Variants in ABCD3 observed in about 807,000 individuals in gnomAD.
ABCD3 encodes ATP-binding cassette sub-family D member 3.
A neutral mutation model predicts 105.5 loss-of-function variants in ABCD3; 41 were observed. The observed-to-expected ratio is 0.39, with a 90% CI of 0.30 to 0.50. ABCD3 has a LOEUF of 0.50. Among genes scored for constraint, ABCD3 ranks in the 20% least tolerant of loss-of-function variants. The probability of loss-of-function intolerance (pLI) is 0.84; values close to 1 mark genes in which losing one functional copy is unlikely to be tolerated. For missense variants in ABCD3, 622 were observed against 806.3 expected (o/e 0.77, Z 2.77); for synonymous variants, 258 against 269.0 (o/e 0.96, Z 0.40).
At chr1:94,440,709 T>C (rs1272079115) in intron 1 of ABCD3, among the ~76,000 whole-genome samples, 1 of 152,212 alleles carries the variant, frequency 6.6e-6, no homozygotes, top group Admixed American at 6.5e-5. Flanking sequence ...TGGTAGGTTG[T>C]TACCTCCTAT....
upstream of ABCD3, chr1:94,418,319 G>C (rs1659101139): frequency 2.8e-5 from 14 of 492,218 alleles, no homozygotes; most frequent in South Asian, 5.5e-4. Context: ...GTGGGCTCCA[G>C]AGCGCGGGCG....
rs576397690 is a variant in ABCD3 at position 94,455,413 on chromosome 1, C to T, written c.111-3194C>T. 2.0e-5 allele frequency among the ~76,000 whole-genome samples: 3 copies of T among 152,056 alleles called. No individual in the cohort carries two copies. The South Asian group carries it at 6.2e-4, about 32-fold the overall frequency. On this transcript the variant is annotated intron_variant, in intron 1 of 22. Transcript: ENST00000370214. ...CGATCTTGGCTCACCACAACCTCCG[C>T]CTCCTGGGTTCAAGTGATTCTTCTG...
At chr1:94,447,871 G>A (rs1660417464) in intron 1 of ABCD3, among the ~76,000 whole-genome samples, 1 of 152,172 alleles carries the variant, frequency 6.6e-6, no homozygotes, top group Non-Finnish European at 1.5e-5. Flanking sequence ...AAATTACTAA[G>A]GGACATTAAT....
upstream of ABCD3, among the ~76,000 whole-genome samples, chr1:94,413,939 G>A (rs1658957760): frequency 6.6e-6 from 1 of 152,184 alleles, no homozygotes; most frequent in Non-Finnish European, 1.5e-5. Context: ...TTCAGAGTAG[G>A]AGACCATGAA....
intron 3 of ABCD3, 81 bp downstream of exon 3, chr1:94,464,954 A>G: frequency 3.3e-6 from 4 of 1,196,634 alleles, no homozygotes; most frequent in Non-Finnish European, 4.9e-6. Context: ...TTTATAAAGA[A>G]AAGAGATTTA....
In ABCD3 at chr1:94,498,860, C is replaced by T. The variant is rs1649962508; in HGVS notation, c.1530+12C>T. The stretch of plus-strand genomic sequence containing the variant: ...TTTATGTTCCTCAGGTAAGACCTAG[C>T]TTGAGTTATCTTTGATCTAAAGATC... On this transcript the variant is annotated intron_variant, in intron 18 of 22. Transcript: ENST00000370214. The T allele has an allele frequency of 6.2e-7, 1 of 1,607,056 alleles. No homozygotes were observed. The highest frequency in any genetic ancestry group is 2.5e-5 in the East Asian group (1 of 40,348).
intron 21 of ABCD3, among the ~76,000 whole-genome samples, chr1:94,511,925 C>T (rs1650691906): frequency 6.6e-6 from 1 of 152,028 alleles, no homozygotes; most frequent in Non-Finnish European, 1.5e-5. Context: ...AGCTTCTTTG[C>T]CTTTGGTTTG....
At chr1:94,507,439 C>T (rs575604145) in intron 21 of ABCD3, among the ~76,000 whole-genome samples, 27 of 152,146 alleles carry the variant, frequency 1.8e-4, no homozygotes, top group South Asian at 1.2e-3. Context: ...TGAATAATGC[C>T]GCAGTAAACA....
rs374787970 is a variant in ABCD3 at position 94,474,621 on chromosome 1, A to C, written c.406-522A>C. On this transcript the variant is annotated intron_variant, in intron 5 of 22. Coordinates refer to ENST00000370214, the MANE Select transcript of ABCD3 (RefSeq NM_002858.4). ...AGATATCAAAGATTAAGATTCAGCAAAGACCACTTGAGAAAATTTGTAATG... is the reference window on the plus strand; with the variant it reads ...AGATATCAAAGATTAAGATTCAGCACAGACCACTTGAGAAAATTTGTAATG... Among the ~76,000 whole-genome samples the C allele has an allele frequency of 1.3e-4, 20 of 152,274 alleles. No individual in the cohort carries two copies. The South Asian group carries it at 1.7e-3, about 13-fold the overall frequency.
intron 1 of ABCD3, 72 bp downstream of exon 1, chr1:94,418,660 C>T (rs1659123340): frequency 6.8e-7 from 1 of 1,472,168 alleles, no homozygotes; most frequent in South Asian, 1.2e-5. Flanking sequence ...CTCTCCCCAC[C>T]CGGCCGACAG....
chr1:94,448,612 T>C (rs1024148526), intron 1 of ABCD3, among the ~76,000 whole-genome samples: 2 of 152,254 alleles, frequency 1.3e-5, no homozygotes, highest in Middle Eastern at 3.2e-3. Context: ...TGATTCTTCA[T>C]ATGTGGTTCA....
chr1:94,450,709 C>T (rs1048134806), intron 1 of ABCD3, among the ~76,000 whole-genome samples: 4 of 152,214 alleles, frequency 2.6e-5, no homozygotes, highest in African/African-American at 9.6e-5. Flanking sequence ...CCACTCCACA[C>T]TCTATATTTC....
intron 10 of ABCD3, among the ~76,000 whole-genome samples, chr1:94,486,789 G>T (rs1437702258): frequency 6.6e-6 from 1 of 152,184 alleles, no homozygotes; most frequent in African/African-American, 2.4e-5. Context: ...TGTATTCCTG[G>T]CAGTGAGAAG....
chr1:94,441,250 A>C (rs1231519794), intron 1 of ABCD3, among the ~76,000 whole-genome samples: 2 of 152,240 alleles, frequency 1.3e-5, no homozygotes, highest in Non-Finnish European at 2.9e-5. Context: ...GATGATTCTT[A>C]AACATGTGAT....
chr1:94,493,845 C>CA (rs1452718096), intron 16 of ABCD3, among the ~76,000 whole-genome samples: 6 of 151,442 alleles, frequency 4.0e-5, no homozygotes, highest in African/African-American at 1.2e-4. Context: ...ATCGCAAGGA[C>CA]AAAAAACCAA....
chr1:94,489,961 A>G lies in ABCD3; in HGVS notation c.1308A>G (p.Ala436=), dbSNP rs146408552. 68 of 1,612,904 alleles carry G rather than the reference A, an allele frequency of 4.2e-5. No homozygotes were observed. Among genetic ancestry groups the G allele is most frequent in the Non-Finnish European group, 5.7e-5 (67 of 1,179,182 alleles). The part of the protein sequence containing the change: ...LIPGAGEIII[A]DNIIKFDHVP... ...CTGGTGCTGGAGAAATCATTATTGCAGATAACATTATAAAGTACGTACAGA... is the reference window on the plus strand; with the variant it reads ...CTGGTGCTGGAGAAATCATTATTGCGGATAACATTATAAAGTACGTACAGA... The change falls in exon 15 of 23, where the codon GCA becomes GCG. Residue 436 remains alanine (A), a synonymous_variant. Coordinates refer to ENST00000370214, the MANE Select transcript of ABCD3 (RefSeq NM_002858.4).
chr1:94,386,850 A>G, the ABCD3 span, among the ~76,000 whole-genome samples: 1 of 152,154 alleles, frequency 6.6e-6, no homozygotes, highest in East Asian at 1.9e-4. Flanking sequence ...GTAAGACTCC[A>G]TCTCAAAAGA....
intron 1 of ABCD3, chr1:94,419,371 G>C: frequency 4.1e-6 from 4 of 984,844 alleles, no homozygotes; most frequent in Non-Finnish European, 4.8e-6. Flanking sequence ...TTCCACCGCG[G>C]GAGAATTTCA....
chr1:94,482,066 G>A (rs984575264), intron 9 of ABCD3: 3 of 152,222 alleles, frequency 2.0e-5, no homozygotes, highest in Non-Finnish European at 4.4e-5. Flanking sequence ...AGTTCAGGAG[G>A]AGAATCCTCA....
Sources: allele counts gnomAD v4.1 joint callset (sites outside exome capture counted in the v4.1 genomes callset), GRCh38; gene constraint gnomAD v4.1.1; transcripts MANE v1.5; gene names NCBI Gene and HGNC (gene_info 2026-07-23, HGNC 2026-07-21).